Variants in CPNE4 observed in about 807,000 individuals in gnomAD.
The protein encoded by CPNE4 is copine 4, also known as copine-4.
A neutral mutation model predicts 67.9 loss-of-function variants in CPNE4; 25 were observed. The observed-to-expected ratio is 0.37, with a 90% CI of 0.27 to 0.51. The LOEUF (loss-of-function observed/expected upper bound fraction) is 0.51. Among genes scored for constraint, CPNE4 ranks in the 20% least tolerant of loss-of-function variants. CPNE4 has a pLI of 0.93. For synonymous variants in CPNE4, 242 were observed against 244.9 expected (o/e 0.99, Z 0.11); for missense variants, 464 against 690.8 (o/e 0.67, Z 3.68).
At chr3:131,596,665 A>C (rs148119310) in intron 7 of CPNE4, among the ~76,000 whole-genome samples, 3 of 151,042 alleles carry the variant, frequency 2.0e-5, no homozygotes, top group Non-Finnish European at 4.4e-5. Context: ...AAGTAAAGCA[A>C]ATTTTTTTCA....
At chr3:131,755,797 T>A (rs1466392572) in intron 2 of CPNE4, among the ~76,000 whole-genome samples, 1 of 152,222 alleles carries the variant, frequency 6.6e-6, no homozygotes, top group Non-Finnish European at 1.5e-5. Flanking sequence ...GATTCACCTA[T>A]CCCATCACAT....
At chr3:131,832,960 T>A (rs2085431436) in intron 2 of CPNE4, among the ~76,000 whole-genome samples, 3 of 152,130 alleles carry the variant, frequency 2.0e-5, no homozygotes, top group African/African-American at 7.2e-5. Flanking sequence ...TAATCCTCAA[T>A]GTGATAGTAT....
intron 5 of CPNE4, among the ~76,000 whole-genome samples, chr3:131,696,306 G>A (rs928776223): frequency 4.6e-5 from 7 of 152,048 alleles, no homozygotes; most frequent in African/African-American, 1.7e-4. Context: ...TCTCACCGGT[G>A]GCATTTGGAA....
chr3:131,902,905 T>C (rs2088606799), intron 2 of CPNE4, among the ~76,000 whole-genome samples: 1 of 152,074 alleles, frequency 6.6e-6, no homozygotes, highest in South Asian at 2.1e-4. Context: ...CACCCATGAA[T>C]ACTGTTTTAT....
At chr3:131,924,060 A>G (rs2070822546) in intron 1 of CPNE4, among the ~76,000 whole-genome samples, 1 of 152,178 alleles carries the variant, frequency 6.6e-6, no homozygotes. Flanking sequence ...TCACCTTGTG[A>G]TAGTGGCTAC....
At chr3:131,841,564 T>A (rs2077634) in intron 2 of CPNE4, among the ~76,000 whole-genome samples, 38,177 of 152,090 alleles carry the variant, frequency 0.25, 4,972 homozygotes, top group East Asian at 0.36. Flanking sequence ...GTCCTTATGA[T>A]AATCTAACGC....
chr3:131,811,161 G>A (rs1389398432), intron 2 of CPNE4, among the ~76,000 whole-genome samples: 1 of 151,996 alleles, frequency 6.6e-6, no homozygotes, highest in East Asian at 1.9e-4. Flanking sequence ...TACAATAAGA[G>A]GGTAGATCTT....
At chr3:131,841,082 A>C (rs2108018226) in intron 2 of CPNE4, among the ~76,000 whole-genome samples, 1 of 152,298 alleles carries the variant, frequency 6.6e-6, no homozygotes, top group South Asian at 2.1e-4. Flanking sequence ...GTTAGACAGA[A>C]CCATCAAGCC....
chr3:131,999,445 T>C (rs1008354074), intron 1 of CPNE4, among the ~76,000 whole-genome samples: 4 of 152,006 alleles, frequency 2.6e-5, no homozygotes, highest in African/African-American at 9.7e-5. Context: ...ATGAGCCTTA[T>C]GCAAAAGAGA....
intron 6 of CPNE4, among the ~76,000 whole-genome samples, chr3:131,672,189 C>T (rs1409515959): frequency 6.6e-6 from 1 of 152,094 alleles, no homozygotes; most frequent in Non-Finnish European, 1.5e-5. Flanking sequence ...AATAGTACTC[C>T]ACTGTGTATA....
At chr3:131,563,835 T>G (rs1936916301) in intron 11 of CPNE4, among the ~76,000 whole-genome samples, 1 of 152,072 alleles carries the variant, frequency 6.6e-6, no homozygotes, top group African/African-American at 2.4e-5. Flanking sequence ...GACCTGTGCT[T>G]CTACGACTCT....
chr3:132,022,162 T>C (rs6779334), intron 1 of CPNE4, among the ~76,000 whole-genome samples: 103,100 of 152,074 alleles, frequency 0.68, 35,762 homozygotes, highest in Middle Eastern at 0.75. Context: ...GCAGGTCTGG[T>C]CTTCCCTGAG....
At chr3:131,919,531 T>G (rs2070682852) in intron 1 of CPNE4, among the ~76,000 whole-genome samples, 1 of 152,186 alleles carries the variant, frequency 6.6e-6, no homozygotes, top group Non-Finnish European at 1.5e-5. Flanking sequence ...ATGGTTACCT[T>G]TTGTGAATGC....
rs192950044 is a variant in CPNE4 at position 131,879,402 on chromosome 3, C to T, written c.180+25862G>A. On this transcript the variant is annotated intron_variant, in intron 2 of 15. Transcript: ENST00000429747. ...AAAAGAAGCCAGCTGATTTATTCGA[C>T]ATTAACATACTCTATCTTCTATGAT... is the stretch of plus-strand genomic sequence containing the variant. 8.2e-4 allele frequency among the ~76,000 whole-genome samples: 125 copies of T among 152,326 alleles called. 1 individual carries two copies. The highest frequency in any genetic ancestry group is 2.9e-3 in the African/African-American group (121 of 41,572).
intron 1 of CPNE4, among the ~76,000 whole-genome samples, chr3:131,987,118 T>C (rs2073069174): frequency 6.6e-6 from 1 of 152,182 alleles, no homozygotes; most frequent in South Asian, 2.1e-4. Context: ...GTGTGATTTG[T>C]GGGTGATTTG....
chr3:131,776,954 T>A (rs575003372), intron 2 of CPNE4, among the ~76,000 whole-genome samples: 96 of 152,218 alleles, frequency 6.3e-4, no homozygotes, highest in African/African-American at 2.2e-3. Context: ...ACGTTATATA[T>A]CAGTTACTGC....
chr3:131,642,103 A>G (rs1222169372), intron 7 of CPNE4, among the ~76,000 whole-genome samples: 1 of 152,152 alleles, frequency 6.6e-6, no homozygotes, highest in Non-Finnish European at 1.5e-5. Flanking sequence ...AGAAATCACC[A>G]CTAAAGAATT....
intron 7 of CPNE4, among the ~76,000 whole-genome samples, chr3:131,627,541 T>A (rs184801807): frequency 2.6e-3 from 396 of 152,328 alleles, no homozygotes; most frequent in Admixed American, 4.8e-3. Flanking sequence ...AAGGAATACA[T>A]TTTGTAAGGC....
At chr3:131,535,707 G>C (rs1935103200) in intron 15 of CPNE4, among the ~76,000 whole-genome samples, 1 of 152,140 alleles carries the variant, frequency 6.6e-6, no homozygotes, top group Non-Finnish European at 1.5e-5. Context: ...CTGTAATCAC[G>C]AGGGGAACTA....
Sources: allele counts gnomAD v4.1 joint callset (sites outside exome capture counted in the v4.1 genomes callset), GRCh38; gene constraint gnomAD v4.1.1; transcripts MANE v1.5; gene names NCBI Gene and HGNC (gene_info 2026-07-23, HGNC 2026-07-21).